Variants in CLSTN2 observed in about 807,000 individuals in gnomAD.
The protein encoded by CLSTN2 is calsyntenin-2.
In CLSTN2, 48 loss-of-function variants were observed where a neutral mutation model predicts 101.2. That is an observed-to-expected ratio of 0.47 (90% CI 0.38 to 0.60). CLSTN2 has a LOEUF of 0.60. Ranked by LOEUF, CLSTN2 falls within the 20% of genes least tolerant of loss-of-function variation. CLSTN2 has a pLI of 0.00. For synonymous variants in CLSTN2, 481 were observed against 463.6 expected (o/e 1.04, Z -0.48); for missense variants, 1,160 against 1,238.2 (o/e 0.94, Z 0.95).
chr3:140,510,614 C>T (rs141211398), intron 8 of CLSTN2, among the ~76,000 whole-genome samples: 115 of 152,344 alleles, frequency 7.5e-4, no homozygotes, highest in Non-Finnish European at 1.2e-3. Flanking sequence ...TTTCAGATTT[C>T]CTGCTCCCCT....
intron 8 of CLSTN2, among the ~76,000 whole-genome samples, chr3:140,526,792 G>A (rs1031648563): frequency 3.4e-4 from 52 of 152,076 alleles, no homozygotes; most frequent in African/African-American, 1.2e-3. Flanking sequence ...CACATCTACA[G>A]CCATCTGATC....
rs3833599 is a variant in CLSTN2, at chr3:140,058,089, T to TAA, written c.110-117852_110-117851dup. Among the ~76,000 whole-genome samples, 105 of 150,368 alleles carry TAA rather than the reference T, an allele frequency of 7.0e-4. 1 individual carries two copies. The East Asian group carries it at 7.5e-3, about 11-fold the overall frequency. ...GGAGATAAAGATGACTGCTTCCATTTAAAAAAAAAAATTTCAAAAACTAAA... is the reference window on the plus strand; with the variant it reads ...GGAGATAAAGATGACTGCTTCCATTTAAAAAAAAAAAAATTTCAAAAACTAAA... On this transcript the variant is annotated intron_variant, in intron 1 of 16. Coordinates refer to ENST00000458420, the MANE Select transcript of CLSTN2 (RefSeq NM_022131.3).
At chr3:140,156,783 C>T (rs904939291) in intron 1 of CLSTN2, among the ~76,000 whole-genome samples, 3 of 152,200 alleles carry the variant, frequency 2.0e-5, no homozygotes, top group Non-Finnish European at 4.4e-5. Context: ...TTATTTCTTC[C>T]TCTCCCCTCC....
chr3:140,271,889 C>G (rs549309301), intron 2 of CLSTN2, among the ~76,000 whole-genome samples: 2 of 152,310 alleles, frequency 1.3e-5, no homozygotes, highest in Admixed American at 6.5e-5. Context: ...AGCTAATGTG[C>G]AAAATGTGTT....
intron 2 of CLSTN2, among the ~76,000 whole-genome samples, chr3:140,322,203 G>T (rs570265636): frequency 1.3e-5 from 2 of 152,320 alleles, no homozygotes; most frequent in African/African-American, 2.4e-5. Flanking sequence ...TGCATTTCTG[G>T]TCTCCATCAG....
At chr3:140,260,862 C>G (rs1349779851) in intron 2 of CLSTN2, among the ~76,000 whole-genome samples, 5 of 152,074 alleles carry the variant, frequency 3.3e-5, no homozygotes, top group African/African-American at 1.2e-4. Flanking sequence ...AAGTTTTGCT[C>G]AGTCAGGTGT....
At chr3:140,483,608 T>C (rs1934174588) in intron 8 of CLSTN2, among the ~76,000 whole-genome samples, 1 of 152,174 alleles carries the variant, frequency 6.6e-6, no homozygotes. Flanking sequence ...AAGGACTTGC[T>C]TTATGAATCT....
rs1935599886 is a variant in CLSTN2, at chr3:139,966,455, G to A, written c.109+30972G>A. On this transcript the variant is annotated intron_variant, in intron 1 of 16. Transcript: ENST00000458420. ...GTTGTTCTCTCCTGCTCTTGCTGAT[G>A]CGGTTTCCTCTGCCTGGGATAGTTG... Among the ~76,000 whole-genome samples the A allele has an allele frequency of 4.6e-5, 7 of 152,248 alleles. No individual in the cohort carries two copies. The South Asian group carries it at 1.5e-3, about 32-fold the overall frequency.
At chr3:140,030,273 G>A (rs2007518962) in intron 1 of CLSTN2, among the ~76,000 whole-genome samples, 1 of 152,160 alleles carries the variant, frequency 6.6e-6, no homozygotes, top group East Asian at 1.9e-4. Flanking sequence ...TTCCCCTTAT[G>A]AACATGGATG....
chr3:140,213,799 CT>C (rs2010887908), intron 2 of CLSTN2, among the ~76,000 whole-genome samples: 1 of 152,074 alleles, frequency 6.6e-6, no homozygotes, highest in South Asian at 2.1e-4. Flanking sequence ...TGTGTATTGG[CT>C]TCAGTAAGAT....
intron 1 of CLSTN2, among the ~76,000 whole-genome samples, chr3:140,123,239 T>A (rs772111780): frequency 6.6e-6 from 1 of 151,584 alleles, no homozygotes; most frequent in African/African-American, 2.4e-5. Context: ...GAGGGCCCAG[T>A]TGATTCATTC....
intron 8 of CLSTN2, among the ~76,000 whole-genome samples, chr3:140,488,395 G>C (rs1333085036): frequency 6.6e-6 from 1 of 152,106 alleles, no homozygotes; most frequent in Non-Finnish European, 1.5e-5. Flanking sequence ...CTGAGCCTTA[G>C]TATCCTCATT....
chr3:139,937,459 G>T (rs775180434), intron 1 of CLSTN2, among the ~76,000 whole-genome samples: 1 of 151,952 alleles, frequency 6.6e-6, no homozygotes, highest in Non-Finnish European at 1.5e-5. Flanking sequence ...TTGTCAGGTC[G>T]GGCATGGTGG....
In CLSTN2 at chr3:140,190,993, C is replaced by T. The variant is rs75018241; in HGVS notation, c.232+14920C>T. 3.9e-5 allele frequency among the ~76,000 whole-genome samples: 6 copies of T among 152,090 alleles called. No individual in the cohort carries two copies. In the East Asian group the frequency reaches 1.2e-3, roughly 29 times the overall value. ...AGAGAAGATATCCTTGCCTTGTTCC[C>T]AGTCTCAGGGGAAAGCATATTCAGT... On this transcript the variant is annotated intron_variant, in intron 2 of 16. Coordinates refer to ENST00000458420, the MANE Select transcript of CLSTN2 (RefSeq NM_022131.3).
rs530935147 is a variant in CLSTN2 at position 140,117,517 on chromosome 3, A to G, written c.110-58434A>G. Among the ~76,000 whole-genome samples the G allele has an allele frequency of 5.3e-5, 8 of 152,294 alleles. No homozygotes were observed. The East Asian group carries it at 1.5e-3, about 29-fold the overall frequency. ...CAGAGCCAGCCTATGACATGTTCCC[A>G]TGACTGCTAGCCCTCATGGAAGGGA... On this transcript the variant is annotated intron_variant, in intron 1 of 16. Coordinates refer to ENST00000458420, the MANE Select transcript of CLSTN2 (RefSeq NM_022131.3).
chr3:140,386,760 C>T (rs1559855631), intron 2 of CLSTN2, among the ~76,000 whole-genome samples: 3 of 152,138 alleles, frequency 2.0e-5, no homozygotes, highest in Non-Finnish European at 4.4e-5. Flanking sequence ...GCACAAGAGC[C>T]ATGTTGAGCC....
chr3:140,127,343 G>T (rs2009452290), intron 1 of CLSTN2, among the ~76,000 whole-genome samples: 1 of 152,182 alleles, frequency 6.6e-6, no homozygotes. Flanking sequence ...ATTGTCATGA[G>T]GCTTAGCTGA....
chr3:140,015,989 C>T (rs1328106663), intron 1 of CLSTN2, among the ~76,000 whole-genome samples: 1 of 152,248 alleles, frequency 6.6e-6, no homozygotes, highest in East Asian at 1.9e-4. Flanking sequence ...AAAGCCATGT[C>T]ACTGCCCTGA....
chr3:140,453,126 T>C (rs1576575883), intron 6 of CLSTN2: 1 of 152,168 alleles, frequency 6.6e-6, no homozygotes, highest in Non-Finnish European at 1.5e-5. Context: ...ACTAGAAAAG[T>C]AGTCGGTGGT....
Sources: gnomAD v4.1 joint callset for allele counts (sites outside exome capture counted in the v4.1 genomes callset) on GRCh38, gnomAD v4.1.1 for gene constraint, MANE v1.5 for transcripts, NCBI Gene and HGNC (gene_info 2026-07-23, HGNC 2026-07-21) for gene names.